The following MLF1 variants were observed in gnomAD, a reference collection of about 807,000 sequenced individuals.
MLF1 encodes myeloid leukemia factor 1.
A neutral mutation model predicts 38.3 loss-of-function variants in MLF1; 37 were observed. That is an observed-to-expected ratio of 0.96 (90% confidence interval 0.74 to 1.27). MLF1 has a LOEUF of 1.27. Ranked by LOEUF, MLF1 falls within the 50% of genes most tolerant of loss-of-function variation. MLF1 has a pLI of 0.00. For missense variants in MLF1, 331 were observed against 349.2 expected (o/e 0.95, Z 0.42); for synonymous variants, 95 against 106.5 (o/e 0.89, Z 0.66).
At chr3:158,583,039 T>C (rs1716658703) in intron 1 of MLF1, 1 of 527,628 alleles carries the variant, frequency 1.9e-6, no homozygotes, top group Admixed American at 3.8e-5. Context: ...CCAATCTACC[T>C]CTTATATTCT....
intron 3 of MLF1, among the ~76,000 whole-genome samples, chr3:158,595,936 C>T (rs1252810785): frequency 6.6e-6 from 1 of 152,072 alleles, no homozygotes; most frequent in African/African-American, 2.4e-5. Context: ...GTGAGTCTTC[C>T]AGTGATAAAA....
Position 158,575,079 on chromosome 3 carries a change from T to A in MLF1, c.47+3732T>A, listed in dbSNP as rs539639879. On this transcript the variant is annotated intron_variant, in intron 1 of 7. Transcript: ENST00000466246. ...ATTCAAGAGTCAGGGTCAGAAATAG[T>A]AACAGACTACAAATAGTAAGCATAC... 2.0e-5 allele frequency among the ~76,000 whole-genome samples: 3 copies of A among 152,070 alleles called. No homozygotes were observed. In the East Asian group the frequency reaches 5.9e-4, roughly 30 times the overall value.
At position 158,571,464 on chromosome 3, in the gene MLF1, A is replaced by G; in HGVS notation, c.47+117A>G. ...GAGAGAGAATTCGGAGTAACTCTGG[A>G]GGCGGTTTGAAGGAGACGAGGATTT... On this transcript the variant is annotated intron_variant, in intron 1 of 7. Coordinates refer to ENST00000466246, the MANE Select transcript of MLF1 (RefSeq NM_001369783.1). 3 of 1,309,674 alleles carry G rather than the reference A, an allele frequency of 2.3e-6. No homozygotes were observed. The South Asian group carries it at 3.8e-5, about 16-fold the overall frequency. The allele number at this position is 1,309,674 out of a possible 1,614,324, so 81.1% of individuals were successfully genotyped here. A position where few individuals can be genotyped will look rare whatever the true frequency, so the allele number is the denominator to read the frequency against.
chr3:158,571,204 T>C lies in MLF1; in HGVS notation c.-97T>C, dbSNP rs1714208094. ...CGCCTGCGCCGCGGCGAGTGAGGCG[T>C]CGTCCGTACTGGAGGCTAGCTCTTG... On this transcript the variant is annotated 5_prime_UTR_variant, in exon 1 of 8. Transcript: ENST00000466246. The C allele has an allele frequency of 4.2e-6, 4 of 953,616 alleles. No individual in the cohort carries two copies. The highest frequency in any genetic ancestry group is 4.0e-5 in the Admixed American group (2 of 50,078). 59.1% of individuals were successfully genotyped at this position (953,616 alleles called of 1,614,324 possible). A position where few individuals can be genotyped will look rare whatever the true frequency, so the allele number is the denominator to read the frequency against.
chr3:158,582,939 A>G (rs1450882081), intron 1 of MLF1: 2 of 676,672 alleles, frequency 3.0e-6, no homozygotes, highest in Admixed American at 2.3e-5. Flanking sequence ...GGTAAAATAA[A>G]CACATTTATT....
intron 7 of MLF1, 48 bp downstream of exon 7, chr3:158,602,987 G>A: frequency 6.6e-7 from 1 of 1,526,580 alleles, no homozygotes; most frequent in South Asian, 1.2e-5. Context: ...AGAATTTGAA[G>A]TAAAGTTATG....
intron 1 of MLF1, among the ~76,000 whole-genome samples, chr3:158,583,452 G>A (rs1716723188): frequency 6.6e-6 from 1 of 152,000 alleles, no homozygotes; most frequent in African/African-American, 2.4e-5. Context: ...AGAAAGAAAG[G>A]GAAGAACAAG....
At chr3:158,597,456 T>C (rs1182704358) in intron 4 of MLF1, among the ~76,000 whole-genome samples, 1 of 152,070 alleles carries the variant, frequency 6.6e-6, no homozygotes, top group Non-Finnish European at 1.5e-5. Context: ...TAGGTATAGT[T>C]CCCTAATAGT....
chr3:158,593,372 A>G lies in MLF1; in HGVS notation c.196-10A>G. The G allele has an allele frequency of 6.5e-7, 1 of 1,543,418 alleles. No individual in the cohort carries two copies. Among genetic ancestry groups the G allele is most frequent in the South Asian group, 1.2e-5 (1 of 83,340 alleles). On this transcript the variant is annotated splice_polypyrimidine_tract_variant and intron_variant, in intron 2 of 7. Coordinates refer to ENST00000466246, the MANE Select transcript of MLF1 (RefSeq NM_001369783.1). ...GTCATAATCAAATGAATTGGATATT[A>G]TTTTTCCAGGCAACGAGTTGTTCTC...
chr3:158,591,038 T>A (rs144950532), intron 1 of MLF1: 2 of 464,422 alleles, frequency 4.3e-6, no homozygotes, highest in Non-Finnish European at 8.6e-6. Flanking sequence ...GGTTTATGTA[T>A]ACAAATACTA....
Position 158,572,597 on chromosome 3 carries a change from G to A in MLF1, c.47+1250G>A, listed in dbSNP as rs73022765. On this transcript the variant is annotated intron_variant, in intron 1 of 7. Coordinates refer to ENST00000466246, the MANE Select transcript of MLF1 (RefSeq NM_001369783.1). ...ATGATGTGGGAGGAGGGTTGAGGGCGTGAGGTAGGGGGAAGAGGTTTGAGG... is the reference window on the plus strand; with the variant it reads ...ATGATGTGGGAGGAGGGTTGAGGGCATGAGGTAGGGGGAAGAGGTTTGAGG... Among the ~76,000 whole-genome samples the A allele has an allele frequency of 1.7e-3, 237 of 140,852 alleles. 2 individuals are homozygous for A. The highest frequency in any genetic ancestry group is 6.2e-3 in the African/African-American group (229 of 37,094). 92.4% of individuals were successfully genotyped at this position (140,852 alleles called of 152,430 possible).
chr3:158,591,941 A>T (rs1576671613), intron 1 of MLF1, among the ~76,000 whole-genome samples: 2 of 152,206 alleles, frequency 1.3e-5, no homozygotes, highest in Non-Finnish European at 2.9e-5. Flanking sequence ...CAACTTAACG[A>T]TAAGATTACA....
At position 158,571,225 on chromosome 3, in the gene MLF1, T is replaced by C. The variant is rs1358142695; in HGVS notation, c.-76T>C. On this transcript the variant is annotated 5_prime_UTR_variant, in exon 1 of 8. Coordinates refer to ENST00000466246, the MANE Select transcript of MLF1 (RefSeq NM_001369783.1). ...GGCGTCGTCCGTACTGGAGGCTAGC[T>C]CTTGTCGCGGCCGCGGCGAGTTAAC... The C allele has an allele frequency of 8.0e-7, 1 of 1,248,790 alleles. No homozygotes were observed. Among genetic ancestry groups the C allele is most frequent in the East Asian group, 2.3e-5 (1 of 42,632 alleles). The allele number at this position is 1,248,790 out of a possible 1,614,324, so 77.4% of individuals were successfully genotyped here.
At chr3:158,588,437 A>T (rs1417857855) in intron 1 of MLF1, among the ~76,000 whole-genome samples, 1 of 152,160 alleles carries the variant, frequency 6.6e-6, no homozygotes, top group African/African-American at 2.4e-5. Flanking sequence ...CCCCGTCTCT[A>T]CTAAGTACAA....
chr3:158,575,341 T>C (rs1236372735), intron 1 of MLF1, among the ~76,000 whole-genome samples: 1 of 152,198 alleles, frequency 6.6e-6, no homozygotes, highest in Non-Finnish European at 1.5e-5. Flanking sequence ...CATCTTTCAT[T>C]ACCACCATAT....
chr3:158,578,137 T>A (rs1715740171), intron 1 of MLF1, among the ~76,000 whole-genome samples: 1 of 152,050 alleles, frequency 6.6e-6, no homozygotes, highest in African/African-American at 2.4e-5. Flanking sequence ...CTATTTTCCT[T>A]ATAGACCAGT....
intron 1 of MLF1, among the ~76,000 whole-genome samples, chr3:158,587,663 C>G (rs1717436948): frequency 6.6e-6 from 1 of 152,146 alleles, no homozygotes; most frequent in African/African-American, 2.4e-5. Flanking sequence ...AAACAGAATA[C>G]AAAAGAAGAG....
intron 1 of MLF1, among the ~76,000 whole-genome samples, chr3:158,574,505 T>TAAAAAAAAAAAAAAAAAAA (rs758915813): frequency 3.3e-5 from 3 of 91,392 alleles, no homozygotes; most frequent in African/African-American, 1.7e-4. Flanking sequence ...CCATCTGTAC[T>TAAAAAAAAAAAAAAAAAAA]AAAAAAAAAA....
rs897205427 is a variant in MLF1, at chr3:158,605,440, A to C, written c.*238A>C. Reference sequence around the variant, plus strand: ...TATTTAATGTAAAACTCTTTAAAACATACTAATTTTTTAAAGCTTATATGC... The same window carrying C: ...TATTTAATGTAAAACTCTTTAAAACCTACTAATTTTTTAAAGCTTATATGC... On this transcript the variant is annotated 3_prime_UTR_variant, in exon 8 of 8. Transcript: ENST00000466246. 1.2e-5 allele frequency: 4 copies of C among 326,528 alleles called. No homozygotes were observed. Among genetic ancestry groups the C allele is most frequent in the East Asian group, 8.8e-5 (2 of 22,656 alleles). 20.2% of individuals were successfully genotyped at this position (326,528 alleles called of 1,614,324 possible).
Sources: gnomAD v4.1 joint callset for allele counts (sites outside exome capture counted in the v4.1 genomes callset) on GRCh38, gnomAD v4.1.1 for gene constraint, MANE v1.5 for transcripts, NCBI Gene and HGNC (gene_info 2026-07-23, HGNC 2026-07-21) for gene names.